The following ELF5 variants were observed in gnomAD, a reference collection of about 807,000 sequenced individuals.
ELF5 encodes E74 like ETS transcription factor 5.
ELF5 carries 31 observed loss-of-function variants against 38.2 expected under a neutral mutation model. The ratio of observed to expected loss-of-function variants is 0.81; its 90% confidence interval spans 0.61 to 1.10. The LOEUF (loss-of-function observed/expected upper bound fraction) is 1.10. Ranked by LOEUF, ELF5 falls within the 50% of genes least tolerant of loss-of-function variation. The pLI, the probability that ELF5 is intolerant of heterozygous loss-of-function variation, is 0.00. For synonymous variants in ELF5, 121 were observed against 112.5 expected, an observed-to-expected ratio of 1.08 and a Z score of -0.48; for missense variants, 300 against 306.6, an observed-to-expected ratio of 0.98 and a Z score of 0.16.
intron 1 of ELF5, among the ~76,000 whole-genome samples, chr11:34,509,111 C>T (rs1211217613): frequency 6.6e-6 from 1 of 152,270 alleles, no homozygotes; most frequent in East Asian, 1.9e-4. Context: ...GGGCAGATCG[C>T]TTGAGGTCAG....
At chr11:34,497,514 T>C (rs1258309992) in intron 2 of ELF5, among the ~76,000 whole-genome samples, 5 of 152,220 alleles carry the variant, frequency 3.3e-5, no homozygotes, top group African/African-American at 1.2e-4. Context: ...AGTGATGCTA[T>C]AATCTGAGAT....
rs781109928 is a variant in ELF5, at chr11:34,489,989, G to T, written c.406+20C>A. 2 of 1,613,720 alleles carry T rather than the reference G, an allele frequency of 1.2e-6. No homozygotes were observed. Among genetic ancestry groups the T allele is most frequent in the Non-Finnish European group, 1.7e-6 (2 of 1,179,708 alleles). On this transcript the variant is annotated intron_variant, in intron 4 of 6. Coordinates refer to ENST00000257832, the MANE Select transcript of ELF5 (RefSeq NM_001422.4). ...GACAACCTTGACAGAGCCTTGGGTG[G>T]CTTGCGCTTGGTTACTTACAGTCTT...
At chr11:34,486,414 G>T (rs1249385184) in intron 4 of ELF5, among the ~76,000 whole-genome samples, 1 of 152,178 alleles carries the variant, frequency 6.6e-6, no homozygotes. Context: ...GTGTGTCTGG[G>T]CACCTTCAGT....
At chr11:34,493,078 C>T (rs1003684894) in intron 3 of ELF5, 3 of 300,132 alleles carry the variant, frequency 1.0e-5, no homozygotes, top group African/African-American at 6.3e-5. Context: ...ATTAGTTGGA[C>T]TCCTGTAGAA....
intron 2 of ELF5, among the ~76,000 whole-genome samples, chr11:34,498,374 C>G (rs1259593237): frequency 6.6e-6 from 1 of 151,962 alleles, no homozygotes; most frequent in Non-Finnish European, 1.5e-5. Context: ...AATGTGTAAG[C>G]CAGCTGCTTT....
chr11:34,496,056 C>T (rs936465882), intron 2 of ELF5, among the ~76,000 whole-genome samples: 6 of 152,212 alleles, frequency 3.9e-5, no homozygotes, highest in Non-Finnish European at 7.4e-5. Flanking sequence ...TTCCCGTTTC[C>T]CTCCCCTCCC....
At chr11:34,506,771 C>T (rs973625745) in intron 1 of ELF5, among the ~76,000 whole-genome samples, 2 of 151,344 alleles carry the variant, frequency 1.3e-5, no homozygotes, top group Non-Finnish European at 2.9e-5. Context: ...TTCTTGGCCT[C>T]CCAAAGTCCT....
At chr11:34,510,738 T>C (rs1369691188) in intron 1 of ELF5, among the ~76,000 whole-genome samples, 2 of 152,064 alleles carry the variant, frequency 1.3e-5, no homozygotes, top group Non-Finnish European at 2.9e-5. Flanking sequence ...AGGTCTACAG[T>C]AGATGTATAG....
At chr11:34,493,765 G>C in intron 2 of ELF5, 53 bp from the exon 3 acceptor site, 1 of 1,519,710 alleles carries the variant, frequency 6.6e-7, no homozygotes, top group Non-Finnish European at 9.1e-7. Context: ...CAGCCTTCGA[G>C]AGGGCCCCTG....
Position 34,481,033 on chromosome 11 carries a change from A to T in ELF5, c.476-66T>A, listed in dbSNP as rs1456490557. 8 of 1,261,714 alleles carry T rather than the reference A, an allele frequency of 6.3e-6. No individual in the cohort carries two copies. The Admixed American group carries it at 1.3e-4, about 20-fold the overall frequency. 78.2% of individuals were successfully genotyped at this position (1,261,714 alleles called of 1,614,324 possible). On this transcript the variant is annotated intron_variant, in intron 5 of 6. Transcript: ENST00000257832. ...TTTAAATTAATTAATTAATTAATTA[A>T]TTTTTTTGAGACAGAGTCTTGCTCT...
chr11:34,493,444 C>T, intron 3 of ELF5, 35 bp downstream of exon 3: 1 of 1,592,066 alleles, frequency 6.3e-7, no homozygotes, highest in South Asian at 1.1e-5. Flanking sequence ...TAATCCTGGT[C>T]CCTCCCCTGG....
At chr11:34,511,616 C>T in intron 1 of ELF5, 1 of 1,613,562 alleles carries the variant, frequency 6.2e-7, no homozygotes, top group South Asian at 1.1e-5. Context: ...GAACCCTTCT[C>T]AGAGCTGGCT....
intron 3 of ELF5, chr11:34,492,127 T>C (rs529608524): frequency 6.6e-6 from 1 of 152,344 alleles, no homozygotes; most frequent in East Asian, 1.9e-4. Context: ...CCAAGCTCCT[T>C]CTTCTGGAGC....
At chr11:34,511,937 C>A (rs1394506689) in intron 1 of ELF5, 1 of 254,818 alleles carries the variant, frequency 3.9e-6, no homozygotes, top group Non-Finnish European at 7.6e-6. Context: ...CATCACTGGG[C>A]AGAACTAGGC....
chr11:34,495,102 C>T (rs1004005113), intron 2 of ELF5, among the ~76,000 whole-genome samples: 1 of 152,158 alleles, frequency 6.6e-6, no homozygotes, highest in Non-Finnish European at 1.5e-5. Flanking sequence ...GGATTTGAAC[C>T]CTAGCCTGAA....
At chr11:34,480,444 C>A in intron 6 of ELF5, 130 bp from the exon 7 acceptor site, 1 of 735,640 alleles carries the variant, frequency 1.4e-6, no homozygotes, top group Non-Finnish European at 2.3e-6. Context: ...ATTTTCATGC[C>A]CTGTTATCAA....
intron 4 of ELF5, among the ~76,000 whole-genome samples, chr11:34,483,452 G>T (rs1387173525): frequency 6.6e-6 from 1 of 151,878 alleles, no homozygotes; most frequent in Non-Finnish European, 1.5e-5. Flanking sequence ...GTATCATCGA[G>T]CAGCCACTGT....
Position 34,478,847 on chromosome 11 carries a change from C to T in ELF5, c.*1371G>A, listed in dbSNP as rs1856858901. ...TTACAAACTATATCCACCTGGAAAA[C>T]ACATGAATCCAAAATAGATTATTTT... On this transcript the variant is annotated 3_prime_UTR_variant, in exon 7 of 7. Transcript: ENST00000257832. 1 of 152,614 alleles carries T rather than the reference C, an allele frequency of 6.6e-6. No individual in the cohort carries two copies. Among genetic ancestry groups the T allele is most frequent in the African/African-American group, 2.4e-5 (1 of 41,438 alleles). The allele number at this position is 152,614 out of a possible 1,614,324, so 9.5% of individuals were successfully genotyped here.
At chr11:34,500,865 G>A (rs1850446893) in intron 2 of ELF5, among the ~76,000 whole-genome samples, 1 of 148,718 alleles carries the variant, frequency 6.7e-6, no homozygotes, top group Admixed American at 6.9e-5. Flanking sequence ...AGTGGGTTTT[G>A]CACTTTTTTT....
Sources: gnomAD v4.1 joint callset for allele counts (sites outside exome capture counted in the v4.1 genomes callset) on GRCh38, gnomAD v4.1.1 for gene constraint, MANE v1.5 for transcripts, NCBI Gene and HGNC (gene_info 2026-07-23, HGNC 2026-07-21) for gene names.